Variants in FBXO42 observed in about 807,000 individuals in gnomAD.
FBXO42 encodes F-box protein 42, also known as F-box only protein 42.
A neutral mutation model predicts 71.7 loss-of-function variants in FBXO42; 12 were observed. The observed-to-expected ratio is 0.17, with a 90% CI of 0.11 to 0.27. The LOEUF is 0.27. Ranked by LOEUF, FBXO42 falls within the 10% of genes least tolerant of loss-of-function variation. The probability of loss-of-function intolerance (pLI) is 1.00; values close to 1 mark genes in which losing one functional copy is unlikely to be tolerated. For synonymous variants in FBXO42, 325 were observed against 327.5 expected, an observed-to-expected ratio of 0.99 and a Z score of 0.08; for missense variants, 707 against 911.9, an observed-to-expected ratio of 0.78 and a Z score of 2.89.
intron 4 of FBXO42, among the ~76,000 whole-genome samples, chr1:16,287,920 C>T (rs972277050): frequency 9.9e-5 from 15 of 151,840 alleles, no homozygotes; most frequent in African/African-American, 3.4e-4. Flanking sequence ...AAAAATACAA[C>T]GTGATGAAAC....
At chr1:16,282,446 G>A (rs1157171138) in intron 4 of FBXO42, among the ~76,000 whole-genome samples, 2 of 150,240 alleles carry the variant, frequency 1.3e-5, no homozygotes, top group African/African-American at 2.4e-5. Context: ...GGGTGGTCTC[G>A]AACTCCTGAT....
At chr1:16,295,034 T>C (rs902078455) in intron 3 of FBXO42, 117 bp from the exon 4 acceptor site, 44 of 1,215,356 alleles carry the variant, frequency 3.6e-5, no homozygotes, top group Non-Finnish European at 4.4e-5. Flanking sequence ...TGTTACCAAG[T>C]ACCAAATTTC....
At chr1:16,277,757 C>G (rs2081920573) in intron 4 of FBXO42, among the ~76,000 whole-genome samples, 1 of 151,772 alleles carries the variant, frequency 6.6e-6, no homozygotes, top group African/African-American at 2.4e-5. Flanking sequence ...ATTCCACATC[C>G]AGGCTGGGCG....
chr1:16,258,245 T>G (rs1283546524), intron 4 of FBXO42, among the ~76,000 whole-genome samples: 1 of 152,214 alleles, frequency 6.6e-6, no homozygotes, highest in African/African-American at 2.4e-5. Flanking sequence ...AGGACTGTCT[T>G]TCTTGTGATC....
intron 4 of FBXO42, among the ~76,000 whole-genome samples, chr1:16,277,933 T>C (rs890165814): frequency 6.6e-6 from 1 of 152,050 alleles, no homozygotes; most frequent in Non-Finnish European, 1.5e-5. Context: ...TCCCAGCTAC[T>C]AGGGAGGCTG....
chr1:16,315,881 C>T (rs572237478), intron 1 of FBXO42, among the ~76,000 whole-genome samples: 5 of 152,132 alleles, frequency 3.3e-5, no homozygotes, highest in Non-Finnish European at 7.4e-5. Flanking sequence ...AAGAAATAAC[C>T]GTTTTTCGAC....
chr1:16,250,493 A>T lies in FBXO42; in HGVS notation c.*177T>A, dbSNP rs1569798126. ...CTATATAATATATATATATATATTT[A>T]TATATAATTTTTTTTCTTAATGGAG... On this transcript the variant is annotated 3_prime_UTR_variant, in exon 10 of 10. Transcript: ENST00000375592. This position sits in a 1 kb window ranked among gnomAD's most constrained non-coding sequence, Gnocchi z 4.7. 1 of 197,442 alleles carries T rather than the reference A, an allele frequency of 5.1e-6. No homozygotes were observed. Among genetic ancestry groups the T allele is most frequent in the Non-Finnish European group, 1.0e-5 (1 of 97,614 alleles). The allele number at this position is 197,442 out of a possible 1,614,324, so 12.2% of individuals were successfully genotyped here.
At chr1:16,330,026 A>G (rs1376946546) in intron 1 of FBXO42, among the ~76,000 whole-genome samples, 2 of 152,206 alleles carry the variant, frequency 1.3e-5, no homozygotes, top group African/African-American at 4.8e-5. Flanking sequence ...TTCCTCTCAC[A>G]GTAGTAGAGC....
chr1:16,321,908 C>T (rs1211837555), intron 1 of FBXO42, among the ~76,000 whole-genome samples: 2 of 152,064 alleles, frequency 1.3e-5, no homozygotes, highest in East Asian at 1.9e-4. Context: ...GTGGCTCACG[C>T]CTGTAATCCC....
At chr1:16,256,527 T>C in intron 5 of FBXO42, 79 bp downstream of exon 5, 1 of 1,464,576 alleles carries the variant, frequency 6.8e-7, no homozygotes, top group Non-Finnish European at 9.4e-7. Context: ...TCAAAGGGAC[T>C]CTTGACACAA....
chr1:16,323,453 G>A lies in FBXO42; in HGVS notation c.-17-8018C>T, dbSNP rs752906166. ...AAACAAACAAAAAAAGTAATTAAGG[G>A]AACTTCTTACCGATAGATAATAAAA... On this transcript the variant is annotated intron_variant, in intron 1 of 9. Transcript: ENST00000375592. 1.4e-4 allele frequency among the ~76,000 whole-genome samples: 21 copies of A among 151,250 alleles called. 1 individual carries two copies. The highest frequency in any genetic ancestry group is 3.3e-4 in the Admixed American group (5 of 15,100).
At chr1:16,309,703 C>G (rs1490480038) in intron 2 of FBXO42, among the ~76,000 whole-genome samples, 2 of 151,680 alleles carry the variant, frequency 1.3e-5, no homozygotes, top group African/African-American at 2.4e-5. Flanking sequence ...CAAGACCAGC[C>G]TGGGCAACAC....
At chr1:16,261,393 T>G (rs2081709662) in intron 4 of FBXO42, among the ~76,000 whole-genome samples, 1 of 151,924 alleles carries the variant, frequency 6.6e-6, no homozygotes, top group Non-Finnish European at 1.5e-5. Context: ...TATCTTGACC[T>G]TTTAGAAAGG....
Position 16,252,497 on chromosome 1 carries a change from G to T in FBXO42, c.922-93C>A. On this transcript the variant is annotated intron_variant, in intron 8 of 9. Transcript: ENST00000375592. The surrounding 1 kb of genome is among the most constrained non-coding windows in gnomAD (Gnocchi z 4.4). ...TTGCAGTCTCAAAGCTCTCCTGTCT[G>T]GTCTTGAAAGGATGTGGACTCTTCA... 1 of 985,582 alleles carries T rather than the reference G, an allele frequency of 1.0e-6. No individual in the cohort carries two copies. The highest frequency in any genetic ancestry group is 1.6e-6 in the Non-Finnish European group (1 of 628,546). 61.1% of individuals were successfully genotyped at this position (985,582 alleles called of 1,614,324 possible).
chr1:16,347,992 CAAA>C (rs541561756), intron 1 of FBXO42, among the ~76,000 whole-genome samples: 2 of 67,738 alleles, frequency 3.0e-5, no homozygotes, highest in Non-Finnish European at 3.0e-5. Flanking sequence ...GACTCCGTCT[CAAA>C]AAAAAAAAAA....
chr1:16,321,454 C>T (rs1042555912), intron 1 of FBXO42, among the ~76,000 whole-genome samples: 3 of 152,338 alleles, frequency 2.0e-5, no homozygotes, highest in Admixed American at 2.0e-4. Context: ...CGTAAGCATA[C>T]TAACTCAATG....
At chr1:16,351,322 A>T (rs1049591507) in intron 1 of FBXO42, among the ~76,000 whole-genome samples, 6 of 152,216 alleles carry the variant, frequency 3.9e-5, no homozygotes, top group Non-Finnish European at 7.3e-5. Flanking sequence ...CAGCAATAAA[A>T]GTTGTTCTCA....
At chr1:16,283,423 C>G (rs2081985153) in intron 4 of FBXO42, among the ~76,000 whole-genome samples, 1 of 150,048 alleles carries the variant, frequency 6.7e-6, no homozygotes, top group Non-Finnish European at 1.5e-5. Flanking sequence ...GCTCCAGTAC[C>G]AGTTAGTGAA....
At chr1:16,336,815 C>T (rs538860735) in intron 1 of FBXO42, among the ~76,000 whole-genome samples, 1 of 152,024 alleles carries the variant, frequency 6.6e-6, no homozygotes, top group South Asian at 2.1e-4. Context: ...GAAACCCCGT[C>T]TCTACTAAAA....
Sources: gnomAD v4.1 joint callset for allele counts (sites outside exome capture counted in the v4.1 genomes callset) on GRCh38, gnomAD v4.1.1 for gene constraint, Gnocchi (gnomAD v3.1) non-coding constraint, MANE v1.5 for transcripts, NCBI Gene and HGNC (gene_info 2026-07-23, HGNC 2026-07-21) for gene names.